The following YJU2 variants were observed in gnomAD, a reference collection of about 807,000 sequenced individuals.
The protein encoded by YJU2 is splicing factor YJU2.
Under a neutral mutation model 39.6 loss-of-function variants are expected in YJU2, and 28 were observed. The observed-to-expected ratio is 0.71, with a 90% CI of 0.52 to 0.97. The LOEUF is 0.97. Ranked by LOEUF, YJU2 falls within the 50% of genes least tolerant of loss-of-function variation. YJU2 has a pLI of 0.00. For synonymous variants in YJU2, 184 were observed against 182.4 expected, an observed-to-expected ratio of 1.01 and a Z score of -0.07; for missense variants, 328 against 430.4, an observed-to-expected ratio of 0.76 and a Z score of 2.11.
chr19:4,252,849 C>T (rs1970988286), intron 3 of YJU2, among the ~76,000 whole-genome samples: 1 of 152,008 alleles, frequency 6.6e-6, no homozygotes, highest in South Asian at 2.1e-4. Context: ...TCAATTGAGT[C>T]TGGGAGGCCA....
At chr19:4,265,213 G>T (rs1166005567) in intron 6 of YJU2, among the ~76,000 whole-genome samples, 1 of 151,874 alleles carries the variant, frequency 6.6e-6, no homozygotes. Flanking sequence ...AACTTTTATA[G>T]GAAGGAATAT....
chr19:4,258,750 C>T (rs142266700), intron 5 of YJU2, among the ~76,000 whole-genome samples: 130 of 152,310 alleles, frequency 8.5e-4, no homozygotes, highest in African/African-American at 2.9e-3. Flanking sequence ...TCGCAGGACG[C>T]GCCTCATCCC....
chr19:4,263,202 A>G (rs1426247915), intron 6 of YJU2, among the ~76,000 whole-genome samples: 1 of 152,174 alleles, frequency 6.6e-6, no homozygotes, highest in Non-Finnish European at 1.5e-5. Context: ...TTTATTTCTC[A>G]GTCATAACAG....
intron 6 of YJU2, among the ~76,000 whole-genome samples, chr19:4,264,512 G>A (rs887516958): frequency 6.7e-6 from 1 of 149,126 alleles, no homozygotes. Context: ...TTTTTAGACA[G>A]TTTCACTCTT....
At chr19:4,264,711 T>TCCTGA (rs1971102828) in intron 6 of YJU2, among the ~76,000 whole-genome samples, 1 of 152,074 alleles carries the variant, frequency 6.6e-6, no homozygotes, top group South Asian at 2.1e-4. Flanking sequence ...GATCTAGAAC[T>TCCTGA]CCTGACCTCA....
chr19:4,248,005 T>A (rs1194810688), intron 1 of YJU2: 2 of 152,158 alleles, frequency 1.3e-5, no homozygotes, highest in African/African-American at 4.8e-5. Flanking sequence ...TAGCTGGGAC[T>A]GCAGGCGCCC....
At chr19:4,262,222 G>A (rs1971077122) in intron 6 of YJU2, 108 bp downstream of exon 6, 10 of 1,207,392 alleles carry the variant, frequency 8.3e-6, no homozygotes, top group Non-Finnish European at 1.0e-5. Flanking sequence ...TTTTTGAGAC[G>A]GAGTCTCGCT....
In YJU2 at chr19:4,249,258, AAG is replaced by A. The variant is rs1282827875; in HGVS notation, c.57_58del (p.Lys19AsnfsTer25). 3 of 1,613,546 alleles carry A rather than the reference AAG, an allele frequency of 1.9e-6. No individual in the cohort carries two copies. The highest frequency in any genetic ancestry group is 2.5e-6 in the Non-Finnish European group (3 of 1,179,792). On this transcript the variant is annotated frameshift_variant, in exon 2 of 8. Transcript: ENST00000262962. LOFTEE classifies it high-confidence loss of function. ...CTACCCGCCGGACTTTGACCCATCAAAGATCCCCAAACTCAAGCTCCCCAAAG... is the reference window on the plus strand; with the variant it reads ...CTACCCGCCGGACTTTGACCCATCAAATCCCCAAACTCAAGCTCCCCAAAG... ...KYYPPDFDPSKIPKLKLPKDR... is the reference protein window; with the variant it reads ...KYYPPDFDPSXIPKLKLPKDR...
chr19:4,260,974 T>C (rs185989992), intron 5 of YJU2, among the ~76,000 whole-genome samples: 4 of 148,210 alleles, frequency 2.7e-5, no homozygotes, highest in Non-Finnish European at 6.0e-5. Context: ...GCGTCTTGCA[T>C]TGGGTATTGA....
intron 5 of YJU2, among the ~76,000 whole-genome samples, chr19:4,259,955 C>T (rs1971057442): frequency 6.6e-6 from 1 of 152,100 alleles, no homozygotes; most frequent in African/African-American, 2.4e-5. Context: ...ACCTCACTAC[C>T]CACACAGCCC....
At chr19:4,259,082 T>C (rs1425132579) in intron 5 of YJU2, among the ~76,000 whole-genome samples, 6 of 124,286 alleles carry the variant, frequency 4.8e-5, no homozygotes, top group Non-Finnish European at 9.9e-5. Context: ...TTTTTTTTTT[T>C]TTTTTTTTTT....
chr19:4,264,355 T>A (rs951924496), intron 6 of YJU2, among the ~76,000 whole-genome samples: 1 of 150,744 alleles, frequency 6.6e-6, no homozygotes, highest in Non-Finnish European at 1.5e-5. Context: ...TTGCCCAGGC[T>A]GGAGTGCAGT....
chr19:4,253,761 T>C (rs765248977), intron 3 of YJU2, among the ~76,000 whole-genome samples: 2 of 151,936 alleles, frequency 1.3e-5, no homozygotes, highest in Admixed American at 6.6e-5. Flanking sequence ...ATGTGATTTA[T>C]AATCAAAGAA....
At chr19:4,247,283 T>C (rs1970926469) in intron 1 of YJU2, 113 bp downstream of exon 1, 2 of 967,490 alleles carry the variant, frequency 2.1e-6, no homozygotes, top group East Asian at 4.9e-5. Flanking sequence ...CCAGCGGCCT[T>C]CCGCGAGATG....
chr19:4,259,997 G>T (rs1316665243), intron 5 of YJU2, among the ~76,000 whole-genome samples: 1 of 152,114 alleles, frequency 6.6e-6, no homozygotes, highest in African/African-American at 2.4e-5. Flanking sequence ...TCATGGAGGG[G>T]ACTGAGGTCC....
chr19:4,261,359 T>G (rs1016814293), intron 5 of YJU2, among the ~76,000 whole-genome samples: 1 of 152,030 alleles, frequency 6.6e-6, no homozygotes, highest in Non-Finnish European at 1.5e-5. Context: ...GACACGGTGG[T>G]GCGTGCCTGT....
chr19:4,253,743 A>G lies in YJU2; in HGVS notation c.271-612A>G, dbSNP rs181427791. Among the ~76,000 whole-genome samples, 27 of 152,302 alleles carry G rather than the reference A, an allele frequency of 1.8e-4. No homozygotes were observed. The East Asian group carries it at 2.9e-3, about 16-fold the overall frequency. ...AAAAACAGGGGCATGCTGTATACATATTTGTACATGTGATTTATAATCAAA... is the reference window on the plus strand; with the variant it reads ...AAAAACAGGGGCATGCTGTATACATGTTTGTACATGTGATTTATAATCAAA... On this transcript the variant is annotated intron_variant, in intron 3 of 7. Transcript: ENST00000262962.
intron 6 of YJU2, among the ~76,000 whole-genome samples, chr19:4,264,187 A>C (rs1165954301): frequency 7.6e-6 from 1 of 131,154 alleles, no homozygotes; most frequent in African/African-American, 2.9e-5. Context: ...GCGTGAACCC[A>C]GGAGGTGGAG....
At chr19:4,263,115 C>G (rs898533017) in intron 6 of YJU2, among the ~76,000 whole-genome samples, 16 of 151,226 alleles carry the variant, frequency 1.1e-4, no homozygotes, top group Admixed American at 6.6e-5. Context: ...AAACTGGTGG[C>G]AGGCCTATGG....
Sources: allele counts gnomAD v4.1 joint callset (sites outside exome capture counted in the v4.1 genomes callset), GRCh38; gene constraint gnomAD v4.1.1; transcripts MANE v1.5; gene names NCBI Gene and HGNC (gene_info 2026-07-23, HGNC 2026-07-21).